Variants in PHF14 observed in about 807,000 individuals in gnomAD.
The protein encoded by PHF14 is PHD finger protein 14.
PHF14 carries 55 observed loss-of-function variants against 117.9 expected under a neutral mutation model. The observed-to-expected ratio is 0.47, with a 90% confidence interval of 0.38 to 0.58. The LOEUF is 0.58. Among genes scored for constraint, PHF14 ranks in the 20% least tolerant of loss-of-function variants. The probability of loss-of-function intolerance (pLI) is 0.00; values close to 1 mark genes in which losing one functional copy is unlikely to be tolerated. For synonymous variants in PHF14, 409 were observed against 368.6 expected (o/e 1.11, Z -1.26); for missense variants, 978 against 1,122.2 (o/e 0.87, Z 1.84).
intron 17 of PHF14, among the ~76,000 whole-genome samples, chr7:11,138,699 G>T (rs969546302): frequency 6.6e-6 from 1 of 152,174 alleles, no homozygotes; most frequent in Non-Finnish European, 1.5e-5. Flanking sequence ...TCTTTAAAGA[G>T]AAAAGAGATC....
At chr7:11,036,045 T>C (rs1383220055) in intron 8 of PHF14, among the ~76,000 whole-genome samples, 1 of 152,192 alleles carries the variant, frequency 6.6e-6, no homozygotes, top group East Asian at 1.9e-4. Flanking sequence ...ACTCTATCAG[T>C]GCAATATATT....
chr7:11,033,977 C>T (rs762706677), intron 7 of PHF14, among the ~76,000 whole-genome samples: 21 of 152,030 alleles, frequency 1.4e-4, no homozygotes, highest in Admixed American at 9.2e-4. Flanking sequence ...AACTGAGGCC[C>T]AGAGATGTTA....
At chr7:11,079,232 T>G (rs1439179659) in intron 16 of PHF14, among the ~76,000 whole-genome samples, 1 of 152,182 alleles carries the variant, frequency 6.6e-6, no homozygotes, top group Non-Finnish European at 1.5e-5. Flanking sequence ...CATGTATTAT[T>G]AATAAAATAT....
In PHF14 at chr7:11,019,442, T is replaced by A. The variant is rs1405356498; in HGVS notation, c.1206-3426T>A. Among the ~76,000 whole-genome samples the A allele has an allele frequency of 5.9e-5, 9 of 152,192 alleles. No homozygotes were observed. In the East Asian group the frequency reaches 1.7e-3, roughly 29 times the overall value. On this transcript the variant is annotated intron_variant, in intron 5 of 17. Transcript: ENST00000634607. ...TACTTGTTATTGGTCTGTACAGGCT[T>A]TGGATTTCTTCATGGTTCAATCTTG...
At position 11,061,850 on chromosome 7, in the gene PHF14, A is replaced by G; in HGVS notation, c.2532+9A>G. 1.3e-6 allele frequency: 2 copies of G among 1,532,578 alleles called. No homozygotes were observed. Among genetic ancestry groups the G allele is most frequent in the Non-Finnish European group, 1.8e-6 (2 of 1,139,734 alleles). 94.9% of individuals were successfully genotyped at this position (1,532,578 alleles called of 1,614,324 possible). A position where few individuals can be genotyped will look rare whatever the true frequency, so the allele number is the denominator to read the frequency against. ...AGGAAGAAAAACATGAGGTTGGAATAAGTTAAGCACTTTTACACAGTCTTA... is the reference window on the plus strand; with the variant it reads ...AGGAAGAAAAACATGAGGTTGGAATGAGTTAAGCACTTTTACACAGTCTTA... On this transcript the variant is annotated intron_variant, in intron 15 of 17. Coordinates refer to ENST00000634607, the MANE Select transcript of PHF14 (RefSeq NM_001007157.2).
chr7:11,133,487 G>C (rs1583491307), intron 17 of PHF14, among the ~76,000 whole-genome samples: 1 of 151,878 alleles, frequency 6.6e-6, no homozygotes, highest in Admixed American at 6.6e-5. Context: ...AATGCAAAAT[G>C]GTTGGGCATT....
intron 16 of PHF14, among the ~76,000 whole-genome samples, chr7:11,083,438 C>A (rs965943858): frequency 6.6e-6 from 1 of 151,262 alleles, no homozygotes; most frequent in Admixed American, 6.6e-5. Context: ...CAGGAAGTTG[C>A]CACATAGAAA....
chr7:11,116,566 C>A (rs1787608648), intron 17 of PHF14, among the ~76,000 whole-genome samples: 1 of 151,930 alleles, frequency 6.6e-6, no homozygotes, highest in Admixed American at 6.6e-5. Flanking sequence ...TTAATGTATA[C>A]TCTTGTATCA....
At chr7:11,123,781 G>A (rs570857895) in intron 17 of PHF14, among the ~76,000 whole-genome samples, 6 of 151,466 alleles carry the variant, frequency 4.0e-5, no homozygotes, top group Admixed American at 6.6e-5. Context: ...CCCAGGAAGC[G>A]GAGGCTGGAA....
At chr7:11,142,557 C>G (rs956125857) in intron 17 of PHF14, among the ~76,000 whole-genome samples, 1 of 152,044 alleles carries the variant, frequency 6.6e-6, no homozygotes, top group South Asian at 2.1e-4. Flanking sequence ...CAGCATTTTC[C>G]TTCTTGAAAA....
chr7:11,017,769 T>C (rs972225798), intron 5 of PHF14, among the ~76,000 whole-genome samples: 3 of 152,176 alleles, frequency 2.0e-5, no homozygotes, highest in Non-Finnish European at 4.4e-5. Flanking sequence ...TAAAAAAACC[T>C]GATATGATAT....
At chr7:11,118,122 A>G (rs1040392892) in intron 17 of PHF14, among the ~76,000 whole-genome samples, 1 of 151,888 alleles carries the variant, frequency 6.6e-6, no homozygotes, top group African/African-American at 2.4e-5. Flanking sequence ...TAATACAGAT[A>G]TGTAAAAAGT....
chr7:11,145,634 A>G (rs1179847057), intron 17 of PHF14, among the ~76,000 whole-genome samples: 1 of 152,112 alleles, frequency 6.6e-6, no homozygotes. Context: ...TTTAAAAATT[A>G]TATTAATATA....
chr7:11,088,019 CT>C (rs781607656), intron 16 of PHF14, among the ~76,000 whole-genome samples: 7 of 152,058 alleles, frequency 4.6e-5, no homozygotes, highest in Non-Finnish European at 1.0e-4. Flanking sequence ...TAAAATATAA[CT>C]TTGCAGAGTT....
intron 17 of PHF14, among the ~76,000 whole-genome samples, chr7:11,121,320 A>G (rs1206333042): frequency 6.6e-6 from 1 of 152,198 alleles, no homozygotes; most frequent in Non-Finnish European, 1.5e-5. Flanking sequence ...TCAAAGCATG[A>G]TTATGTGCCA....
At chr7:11,140,181 T>C (rs1788357649) in intron 17 of PHF14, among the ~76,000 whole-genome samples, 1 of 151,998 alleles carries the variant, frequency 6.6e-6, no homozygotes, top group Non-Finnish European at 1.5e-5. Flanking sequence ...TACCAACAAC[T>C]CTACACATAC....
intron 17 of PHF14, among the ~76,000 whole-genome samples, chr7:11,135,576 G>T (rs1219091289): frequency 1.3e-5 from 2 of 151,900 alleles, no homozygotes; most frequent in Non-Finnish European, 2.9e-5. Flanking sequence ...TAATTTTTGT[G>T]TATTTTTTTA....
At chr7:11,003,481 T>A (rs1782954408) in intron 4 of PHF14, among the ~76,000 whole-genome samples, 1 of 152,238 alleles carries the variant, frequency 6.6e-6, no homozygotes, top group Admixed American at 6.5e-5. Flanking sequence ...ATTTTATTTT[T>A]AAATATTTTA....
intron 4 of PHF14, among the ~76,000 whole-genome samples, chr7:11,007,760 A>G (rs1318879514): frequency 6.6e-6 from 1 of 152,190 alleles, no homozygotes; most frequent in African/African-American, 2.4e-5. Flanking sequence ...CAGCCATAGT[A>G]TTTTGTTGCA....
Sources: allele counts gnomAD v4.1 joint callset (sites outside exome capture counted in the v4.1 genomes callset), GRCh38; gene constraint gnomAD v4.1.1; transcripts MANE v1.5; gene names NCBI Gene and HGNC (gene_info 2026-07-23, HGNC 2026-07-21).